GJA1: variants seen among roughly 807,000 people sequenced by gnomAD.
GJA1 encodes gap junction alpha-1 protein.
GJA1 carries 9 observed loss-of-function variants against 31.0 expected under a neutral mutation model. The observed-to-expected ratio is 0.29, with a 90% CI of 0.17 to 0.51. The LOEUF (loss-of-function observed/expected upper bound fraction) is 0.51. Ranked by LOEUF, GJA1 falls within the 20% of genes least tolerant of loss-of-function variation. The pLI is 0.98. For missense variants in GJA1, 278 were observed against 468.8 expected (o/e 0.59, Z 3.76); for synonymous variants, 186 against 180.1 (o/e 1.03, Z -0.26).
intron 1 of GJA1, among the ~76,000 whole-genome samples, chr6:121,441,975 A>G (rs1773801122): frequency 6.6e-6 from 1 of 152,208 alleles, no homozygotes; most frequent in African/African-American, 2.4e-5. Context: ...TTTGGGTGTT[A>G]GTACATTAGA....
At chr6:121,441,684 T>A (rs770772602) in intron 1 of GJA1, among the ~76,000 whole-genome samples, 3 of 152,160 alleles carry the variant, frequency 2.0e-5, no homozygotes, top group Non-Finnish European at 4.4e-5. Flanking sequence ...GTGAGCTGCG[T>A]GGATGGAGCA....
chr6:121,447,303 G>A lies in GJA1; in HGVS notation c.456G>A (p.Leu152=), dbSNP rs72548741. ...AGGTGAAAATGCGAGGGGGGTTGCT[G>A]CGAACCTACATCATCAGTATCCTCT... ...HGKVKMRGGL[L]RTYIISILFK... is the part of the protein sequence containing the mutation. The change falls in exon 2 of 2, where the codon CTG becomes CTA. Residue 152 remains leucine (L), a synonymous_variant. Transcript: ENST00000282561. 3.9e-5 allele frequency: 63 copies of A among 1,614,092 alleles called. No homozygotes were observed. The East Asian group carries it at 1.2e-3, about 31-fold the overall frequency.
intron 1 of GJA1, among the ~76,000 whole-genome samples, chr6:121,443,060 A>G (rs925485304): frequency 2.6e-5 from 4 of 152,180 alleles, no homozygotes; most frequent in African/African-American, 4.8e-5. Context: ...CTGGTGAATA[A>G]AAGTGCAGTT....
intron 1 of GJA1, among the ~76,000 whole-genome samples, chr6:121,440,778 A>G (rs966021417): frequency 1.1e-4 from 16 of 151,246 alleles, no homozygotes; most frequent in African/African-American, 3.2e-4. Context: ...GTTTCACTCT[A>G]TCACCCGGGT....
chr6:121,442,205 C>G (rs1773805590), intron 1 of GJA1, among the ~76,000 whole-genome samples: 1 of 152,126 alleles, frequency 6.6e-6, no homozygotes, highest in Non-Finnish European at 1.5e-5. Context: ...TCTCCATTCT[C>G]AACTCATTAC....
intron 1 of GJA1, among the ~76,000 whole-genome samples, chr6:121,441,175 AT>A (rs1773773681): frequency 6.6e-6 from 1 of 151,958 alleles, no homozygotes; most frequent in South Asian, 2.1e-4. Context: ...GATGGTCTCT[AT>A]CTCCTAACCT....
At chr6:121,445,412 G>T (rs1773870596) in intron 1 of GJA1, among the ~76,000 whole-genome samples, 1 of 152,152 alleles carries the variant, frequency 6.6e-6, no homozygotes, top group Admixed American at 6.5e-5. Flanking sequence ...GTGCTTATAG[G>T]CGTGAGTGCA....
intron 1 of GJA1, among the ~76,000 whole-genome samples, chr6:121,436,849 C>T (rs1773672236): frequency 6.6e-6 from 1 of 152,180 alleles, no homozygotes; most frequent in Non-Finnish European, 1.5e-5. Context: ...GCAAAGATAA[C>T]GCTAATGCGT....
rs1773917169 is a variant in GJA1 at position 121,447,898 on chromosome 6, C to A, written c.1051C>A (p.His351Asn). Reference sequence around the variant, plus strand: ...GAATTCTAAAAAACTAGCTGCTGGACATGAATTACAGCCACTAGCCATTGT... The same window carrying A: ...GAATTCTAAAAAACTAGCTGCTGGAAATGAATTACAGCCACTAGCCATTGT... ...NQNSKKLAAGHELQPLAIVDQ... is the reference protein window; with the variant it reads ...NQNSKKLAAGNELQPLAIVDQ... Residue 351 changes from histidine to asparagine, a missense_variant, in exon 2 of 2, where the codon CAT becomes AAT. By Grantham distance (68) the His-to-Asn change is moderately conservative (BLOSUM62 1). This residue lies in a region of GJA1 where 172 missense variants were observed against 190.9 expected (regional missense o/e 0.90). Transcript: ENST00000282561. The A allele has an allele frequency of 6.2e-7, 1 of 1,613,722 alleles. No homozygotes were observed. Among genetic ancestry groups the A allele is most frequent in the Non-Finnish European group, 8.5e-7 (1 of 1,179,726 alleles).
chr6:121,442,338 G>A (rs1773808480), intron 1 of GJA1, among the ~76,000 whole-genome samples: 1 of 152,162 alleles, frequency 6.6e-6, no homozygotes, highest in African/African-American at 2.4e-5. Flanking sequence ...CTAGCAAAAG[G>A]CATAGTCAAA....
rs958656256 is a variant in GJA1, at chr6:121,448,603, A to C, written c.*607A>C. ...TTTAAAATTCAGACAAGGCCCACAG[A>C]ATAAGATTTTCCATGCATTTGCAAA... On this transcript the variant is annotated 3_prime_UTR_variant, in exon 2 of 2. Transcript: ENST00000282561. 3 of 169,832 alleles carry C rather than the reference A, an allele frequency of 1.8e-5. No homozygotes were observed. The highest frequency in any genetic ancestry group is 7.2e-5 in the African/African-American group (3 of 41,468). The allele number at this position is 169,832 out of a possible 1,614,324, so 10.5% of individuals were successfully genotyped here. A position where few individuals can be genotyped will look rare whatever the true frequency, so the allele number is the denominator to read the frequency against.
intron 1 of GJA1, among the ~76,000 whole-genome samples, chr6:121,437,366 CT>C (rs1554200423): frequency 3.6e-5 from 4 of 110,202 alleles, no homozygotes; most frequent in Non-Finnish European, 6.6e-5. Flanking sequence ...TTTTTTTTTT[CT>C]TTTTCTTTTT....
chr6:121,444,850 A>G (rs1051769294), intron 1 of GJA1, among the ~76,000 whole-genome samples: 7 of 152,164 alleles, frequency 4.6e-5, no homozygotes, highest in African/African-American at 1.7e-4. Flanking sequence ...TATATTCCCT[A>G]TGCCTGCCAC....
At chr6:121,441,009 C>T (rs917609908) in intron 1 of GJA1, among the ~76,000 whole-genome samples, 6 of 151,978 alleles carry the variant, frequency 3.9e-5, no homozygotes, top group Non-Finnish European at 5.9e-5. Context: ...GTGGCGCGAT[C>T]CCGGCTCACT....
At chr6:121,437,817 C>T (rs1773695203) in intron 1 of GJA1, among the ~76,000 whole-genome samples, 1 of 152,150 alleles carries the variant, frequency 6.6e-6, no homozygotes, top group Non-Finnish European at 1.5e-5. Flanking sequence ...CTTTTGCTTC[C>T]TCGACCCAGT....
At chr6:121,439,645 C>G (rs1396527161) in intron 1 of GJA1, among the ~76,000 whole-genome samples, 1 of 152,080 alleles carries the variant, frequency 6.6e-6, no homozygotes, top group Admixed American at 6.6e-5. Flanking sequence ...GCACCATCCT[C>G]TCTTTGGATG....
chr6:121,438,208 AC>A (rs1773701672), intron 1 of GJA1, among the ~76,000 whole-genome samples: 1 of 152,184 alleles, frequency 6.6e-6, no homozygotes, highest in African/African-American at 2.4e-5. Flanking sequence ...TAGACTGGTT[AC>A]CTGGGAAAAT....
chr6:121,445,676 C>G (rs921046085), intron 1 of GJA1, among the ~76,000 whole-genome samples: 1 of 152,124 alleles, frequency 6.6e-6, no homozygotes, highest in Non-Finnish European at 1.5e-5. Context: ...AGTATTGAGA[C>G]AAAATGAACT....
chr6:121,442,482 A>G (rs1773810887), intron 1 of GJA1, among the ~76,000 whole-genome samples: 1 of 152,236 alleles, frequency 6.6e-6, no homozygotes, highest in African/African-American at 2.4e-5. Context: ...GCTGACCTCA[A>G]TGCCGGGTGC....
Sources: allele counts gnomAD v4.1 joint callset (sites outside exome capture counted in the v4.1 genomes callset), GRCh38; gene constraint gnomAD v4.1.1; regional missense constraint gnomAD v4.1.1; transcripts MANE v1.5; gene names NCBI Gene and HGNC (gene_info 2026-07-23, HGNC 2026-07-21).